CYP4F3: variants seen among roughly 807,000 people sequenced by gnomAD.
The protein encoded by CYP4F3 is cytochrome P450 4F3.
CYP4F3 carries 50 observed loss-of-function variants against 54.8 expected under a neutral mutation model. The ratio of observed to expected loss-of-function variants is 0.91; its 90% CI spans 0.73 to 1.16. The LOEUF (loss-of-function observed/expected upper bound fraction) is 1.16. Ranked by LOEUF, CYP4F3 falls within the 50% of genes most tolerant of loss-of-function variation. The pLI is 0.00. For synonymous variants in CYP4F3, 244 were observed against 262.6 expected, an observed-to-expected ratio of 0.93 and a Z score of 0.69; for missense variants, 715 against 676.2, an observed-to-expected ratio of 1.06 and a Z score of -0.64.
chr19:15,654,911 T>C (rs186464386), intron 9 of CYP4F3, among the ~76,000 whole-genome samples: 20 of 152,324 alleles, frequency 1.3e-4, no homozygotes, highest in Admixed American at 1.3e-3. Flanking sequence ...CTGGGTTATA[T>C]GGCAGTTCTA....
intron 9 of CYP4F3, 30 bp from the exon 10 acceptor site, chr19:15,658,234 A>T (rs947410256): frequency 6.2e-7 from 1 of 1,608,084 alleles, no homozygotes; most frequent in African/African-American, 1.3e-5. Flanking sequence ...TGCTCCCTTG[A>T]TAAGGATTGG....
chr19:15,657,399 C>A (rs531197717), intron 9 of CYP4F3, among the ~76,000 whole-genome samples: 65 of 152,282 alleles, frequency 4.3e-4, no homozygotes, highest in African/African-American at 1.6e-3. Flanking sequence ...CAGATTCAAG[C>A]AATTCTGCCT....
intron 3 of CYP4F3, among the ~76,000 whole-genome samples, chr19:15,646,407 C>T (rs532329972): frequency 8.5e-5 from 13 of 152,200 alleles, no homozygotes; most frequent in Non-Finnish European, 1.6e-4. Flanking sequence ...TTGTCTGAGG[C>T]ATGTGTTGTA....
chr19:15,652,698 G>T, intron 8 of CYP4F3, 63 bp downstream of exon 8: 2 of 1,612,630 alleles, frequency 1.2e-6, no homozygotes, highest in Non-Finnish European at 1.7e-6. Context: ...GAACAGGGTG[G>T]GTGGACCCCT....
chr19:15,658,477 C>A lies in CYP4F3; in HGVS notation c.1250-14C>A. The A allele has an allele frequency of 3.7e-6, 6 of 1,614,182 alleles. No homozygotes were observed. The highest frequency in any genetic ancestry group is 4.2e-6 in the Non-Finnish European group (5 of 1,180,016). ...CAGGGAGCATTGTCCTGACTGCCCC[C>A]TTCTCTCCCACAGGCATTATCTGCC... On this transcript the variant is annotated splice_polypyrimidine_tract_variant and intron_variant, in intron 10 of 12. Coordinates refer to ENST00000221307, the MANE Select transcript of CYP4F3 (RefSeq NM_000896.3).
intron 6 of CYP4F3, among the ~76,000 whole-genome samples, 169 bp downstream of exon 6, chr19:15,649,450 T>A (rs1015669180): frequency 3.9e-5 from 6 of 152,140 alleles, no homozygotes; most frequent in Admixed American, 6.5e-5. Context: ...CAGGGACTCA[T>A]TAAAAGGGTT....
At position 15,660,565 on chromosome 19, in the gene CYP4F3, G is replaced by T. The variant is rs992374985; in HGVS notation, c.*1180G>T. 30 of 150,840 alleles carry T rather than the reference G, an allele frequency of 2.0e-4. No individual in the cohort carries two copies. The highest frequency in any genetic ancestry group is 7.3e-4 in the African/African-American group (30 of 40,850). The allele number at this position is 150,840 out of a possible 1,614,324, so 9.3% of individuals were successfully genotyped here. A position where few individuals can be genotyped will look rare whatever the true frequency, so the allele number is the denominator to read the frequency against. ...CTCTTGCTCAAGGTCACTCTGAGTG[G>T]AAGAGTGGGGATAAATCTGGTTCGT... On this transcript the variant is annotated 3_prime_UTR_variant, in exon 13 of 13. Coordinates refer to ENST00000221307, the MANE Select transcript of CYP4F3 (RefSeq NM_000896.3).
intron 6 of CYP4F3, 29 bp downstream of exon 6, chr19:15,649,310 T>C (rs374173614): frequency 1.4e-5 from 23 of 1,611,204 alleles, no homozygotes; most frequent in Non-Finnish European, 1.9e-5. Context: ...TCTGGGATCC[T>C]GGGCCGTGGA....
chr19:15,653,934 G>C (rs533202108), intron 9 of CYP4F3, among the ~76,000 whole-genome samples: 4 of 135,238 alleles, frequency 3.0e-5, no homozygotes, highest in Non-Finnish European at 6.3e-5. Context: ...AAGGGCAATA[G>C]GGAGCCATGA....
rs552387651 is a variant in CYP4F3 at position 15,647,778 on chromosome 19, G to A, written c.525+454G>A. ...CAGGTAGGCAGCCTTGCTGGTGTTGGCTGAGTTCTCTCACATGTTTGGGTT... is the reference window on the plus strand; with the variant it reads ...CAGGTAGGCAGCCTTGCTGGTGTTGACTGAGTTCTCTCACATGTTTGGGTT... On this transcript the variant is annotated intron_variant, in intron 5 of 12. Transcript: ENST00000221307. 3.9e-3 allele frequency among the ~76,000 whole-genome samples: 594 copies of A among 152,276 alleles called. 2 individuals are homozygous for A. The highest frequency in any genetic ancestry group is 7.0e-3 in the Non-Finnish European group (476 of 68,022).
chr19:15,658,323 A>C lies in CYP4F3; in HGVS notation c.1175A>C (p.His392Pro), dbSNP rs1973083111. 1 of 1,614,096 alleles carries C rather than the reference A, an allele frequency of 6.2e-7. No individual in the cohort carries two copies. The highest frequency in any genetic ancestry group is 8.5e-7 in the Non-Finnish European group (1 of 1,180,014). Reference sequence around the variant, plus strand: ...TGCATTAAGGAGAGCCTGAGGCTGCATCCCCCAGTCCCTGCCGTCTCTCGC... The same window carrying C: ...TGCATTAAGGAGAGCCTGAGGCTGCCTCCCCCAGTCCCTGCCGTCTCTCGC... ...TMCIKESLRL[H>P]PPVPAVSRCC... Residue 392 changes from histidine to proline, a missense_variant, in exon 10 of 13, where the codon CAT becomes CCT. Coordinates refer to ENST00000221307, the MANE Select transcript of CYP4F3 (RefSeq NM_000896.3).
chr19:15,650,004 T>C lies in CYP4F3; in HGVS notation c.739T>C (p.Tyr247His). 1 of 1,614,144 alleles carries C rather than the reference T, an allele frequency of 6.2e-7. No individual in the cohort carries two copies. Among genetic ancestry groups the C allele is most frequent in the Non-Finnish European group, 8.5e-7 (1 of 1,180,030 alleles). ...QQILLYIDFLYYLTPDGQRFR... is the reference protein window; with the variant it reads ...QQILLYIDFLHYLTPDGQRFR... ...GATCCTCCTGTACATAGACTTCCTG[T>C]ATTATCTCACCCCTGATGGGCAGCG... Residue 247 changes from tyrosine (Y) to histidine (H), a missense_variant, in exon 7 of 13, where the codon TAT becomes CAT. Tyr to His is a moderately conservative substitution (Grantham distance 83). Transcript: ENST00000221307.
Position 15,653,735 on chromosome 19 carries a change from G to GGAGAGA in CYP4F3, c.1115+829_1115+834dup, listed in dbSNP as rs60874509. On this transcript the variant is annotated intron_variant, in intron 9 of 12. Transcript: ENST00000221307. ...GGTCTTCGGGGGAGGAAGAGAGAGA[G>GGAGAGA]GAGAGAGAGAGAGAGAGAGAGAGAG... Among the ~76,000 whole-genome samples the GGAGAGA allele has an allele frequency of 6.3e-3, 697 of 111,486 alleles. 7 individuals are homozygous for GGAGAGA. Among genetic ancestry groups the GGAGAGA allele is most frequent in the Non-Finnish European group, 8.5e-3 (447 of 52,834 alleles). 73.1% of individuals were successfully genotyped at this position (111,486 alleles called of 152,430 possible). A position where few individuals can be genotyped will look rare whatever the true frequency, so the allele number is the denominator to read the frequency against.
intron 5 of CYP4F3, among the ~76,000 whole-genome samples, chr19:15,648,645 T>C (rs1972698272): frequency 6.6e-6 from 1 of 152,140 alleles, no homozygotes; most frequent in Admixed American, 6.5e-5. Context: ...AAAAATGCCA[T>C]GTGCCCATTC....
intron 7 of CYP4F3, among the ~76,000 whole-genome samples, chr19:15,651,904 G>A (rs973235935): frequency 5.9e-5 from 9 of 152,082 alleles, no homozygotes; most frequent in African/African-American, 1.9e-4. Context: ...TCTTGCTTAC[G>A]GCAATACTAT....
rs1329930863 is a variant in CYP4F3 at position 15,656,746 on chromosome 19, A to ATCTG, written c.1116-1515_1116-1514insGTCT. Among the ~76,000 whole-genome samples, 637 of 97,284 alleles carry ATCTG rather than the reference A, an allele frequency of 6.5e-3. 6 individuals carry two copies. Among genetic ancestry groups the ATCTG allele is most frequent in the African/African-American group, 0.025 (581 of 23,570 alleles). The allele number at this position is 97,284 out of a possible 152,430, so 63.8% of individuals were successfully genotyped here. A position where few individuals can be genotyped will look rare whatever the true frequency, so the allele number is the denominator to read the frequency against. ...CATCTATTTATCTATCTATCTATCT[A>ATCTG]TCTATCTATCTATCTATCTATCATC... On this transcript the variant is annotated intron_variant, in intron 9 of 12. Coordinates refer to ENST00000221307, the MANE Select transcript of CYP4F3 (RefSeq NM_000896.3).
rs775892694 is a variant in CYP4F3, at chr19:15,644,086, G to C, written c.199-1633G>C. 6.0e-6 allele frequency: 9 copies of C among 1,497,460 alleles called. No homozygotes were observed. In the South Asian group the frequency reaches 8.1e-5, roughly 14 times the overall value. The allele number at this position is 1,497,460 out of a possible 1,614,324, so 92.8% of individuals were successfully genotyped here. On this transcript the variant is annotated intron_variant, in intron 2 of 12. Transcript: ENST00000221307. Reference sequence around the variant, plus strand: ...GGAATACTTGGTGGTGGGTGCTATGGTGCATTTGAGGCCTGCAAGTCCCTC... The same window carrying C: ...GGAATACTTGGTGGTGGGTGCTATGCTGCATTTGAGGCCTGCAAGTCCCTC...
Position 15,658,453 on chromosome 19 carries a change from A to C in CYP4F3, c.1250-38A>C, listed in dbSNP as rs765692861. On this transcript the variant is annotated intron_variant, in intron 10 of 12. Coordinates refer to ENST00000221307, the MANE Select transcript of CYP4F3 (RefSeq NM_000896.3). ...GGGTAGGAAGAGGGGCCCCTCAGGCAGGGAGCATTGTCCTGACTGCCCCCT... is the reference window on the plus strand; with the variant it reads ...GGGTAGGAAGAGGGGCCCCTCAGGCCGGGAGCATTGTCCTGACTGCCCCCT... 1.4e-5 allele frequency: 23 copies of C among 1,613,810 alleles called. No individual in the cohort carries two copies. In the Admixed American group the frequency reaches 3.8e-4, roughly 27 times the overall value.
chr19:15,655,524 A>G (rs1568401711), intron 9 of CYP4F3, among the ~76,000 whole-genome samples: 1 of 152,236 alleles, frequency 6.6e-6, no homozygotes. Context: ...CTTTATGACA[A>G]AAATGAAGTT....
Sources: gnomAD v4.1 joint callset for allele counts (sites outside exome capture counted in the v4.1 genomes callset) on GRCh38, gnomAD v4.1.1 for gene constraint, MANE v1.5 for transcripts, NCBI Gene and HGNC (gene_info 2026-07-23, HGNC 2026-07-21) for gene names.